SLC2A5: variants seen among roughly 807,000 people sequenced by gnomAD.
SLC2A5 encodes solute carrier family 2 member 5.
In SLC2A5, 56 loss-of-function variants were observed where a neutral mutation model predicts 50.3. The observed-to-expected ratio is 1.11, with a 90% CI of 0.90 to 1.39. SLC2A5 has a LOEUF of 1.39. Among genes scored for constraint, SLC2A5 ranks in the 40% most tolerant of loss-of-function variants. SLC2A5 has a pLI of 0.00. For missense variants in SLC2A5, 566 were observed against 650.1 expected, an observed-to-expected ratio of 0.87 and a Z score of 1.41; for synonymous variants, 269 against 281.9, an observed-to-expected ratio of 0.95 and a Z score of 0.46.
chr1:9,080,429 A>G (rs1315131366), intron 2 of SLC2A5, among the ~76,000 whole-genome samples: 1 of 152,202 alleles, frequency 6.6e-6, no homozygotes, highest in Non-Finnish European at 1.5e-5. Flanking sequence ...CGTTCTCACC[A>G]ACAGTATATA....
At chr1:9,042,474 GTCTGTGTGTGTATGGCC>G (rs1178806086) in intron 4 of SLC2A5, among the ~76,000 whole-genome samples, 1 of 151,244 alleles carries the variant, frequency 6.6e-6, no homozygotes, top group Admixed American at 6.6e-5. Flanking sequence ...TGGTGTGTAT[GTCTGTGTGTGTATGGCC>G]TCTGTGTGTG....
intron 2 of SLC2A5, among the ~76,000 whole-genome samples, chr1:9,084,207 T>C (rs1557686568): frequency 6.6e-6 from 1 of 151,986 alleles, no homozygotes; most frequent in African/African-American, 2.4e-5. Context: ...TCCTGGGACA[T>C]CCATATTTGG....
Position 9,040,000 on chromosome 1 carries a change from G to A in SLC2A5, c.698-13C>T, listed in dbSNP as rs781298229. 17 of 1,600,276 alleles carry A rather than the reference G, an allele frequency of 1.1e-5. No individual in the cohort carries two copies. The African/African-American group carries it at 2.3e-4, about 21-fold the overall frequency. On this transcript the variant is annotated splice_polypyrimidine_tract_variant and intron_variant, in intron 6 of 11. Coordinates refer to ENST00000377424, the MANE Select transcript of SLC2A5 (RefSeq NM_003039.3). ...AGCGTCTGTAGGGCTGGGGAGAAGC[G>A]GCACCGTCGGACCAGGGCTGGGGAG...
upstream of SLC2A5, chr1:9,069,655 C>A: frequency 9.6e-7 from 1 of 1,045,878 alleles, no homozygotes; most frequent in Non-Finnish European, 1.5e-6. Context: ...CAGCCAATAG[C>A]ATTTTTATAG....
chr1:9,073,587 AAT>A (rs1432338853), upstream of SLC2A5, among the ~76,000 whole-genome samples: 1 of 152,188 alleles, frequency 6.6e-6, no homozygotes, highest in African/African-American at 2.4e-5. Flanking sequence ...AGGGAAGAAA[AAT>A]ACTTCATTTT....
chr1:9,047,045 T>A (rs1024388709), intron 4 of SLC2A5, among the ~76,000 whole-genome samples: 1 of 152,160 alleles, frequency 6.6e-6, no homozygotes, highest in Admixed American at 6.5e-5. Flanking sequence ...ATCATGATTG[T>A]AAGTTTCCTG....
Position 9,037,455 on chromosome 1 carries a change from C to T in SLC2A5, c.*131G>A. ...CACAGTTCCCACTGGGGTGGGGAGG[C>T]TGGAGATGAGGACTGCATTCCACAT... On this transcript the variant is annotated 3_prime_UTR_variant, in exon 12 of 12. Coordinates refer to ENST00000377424, the MANE Select transcript of SLC2A5 (RefSeq NM_003039.3). 1.3e-6 allele frequency: 1 copy of T among 756,626 alleles called. No homozygotes were observed. Among genetic ancestry groups the T allele is most frequent in the South Asian group, 1.7e-5 (1 of 59,860 alleles). 46.9% of individuals were successfully genotyped at this position (756,626 alleles called of 1,614,324 possible).
rs1557662141 is a variant in SLC2A5, at chr1:9,040,158, G to C, written c.603C>G (p.Val201=). The stretch of plus-strand genomic sequence containing the variant: ...GCAGAAGGAGCTGCAGCGCCGCGGG[G>C]ACCCCGGTCAGCCCCAGCAGGATCG... ...GWPILLGLTG[V]PAALQLLLLP... Residue 201 remains valine, a synonymous_variant, in exon 6 of 12, where the codon GTC becomes GTG. Transcript: ENST00000377424. This position sits in a 1 kb window ranked among gnomAD's most constrained non-coding sequence, Gnocchi z 4.3. 1 of 1,560,120 alleles carries C rather than the reference G, an allele frequency of 6.4e-7. No individual in the cohort carries two copies.
At chr1:9,090,855 T>C (rs575149251), upstream of SLC2A5, among the ~76,000 whole-genome samples, 11 of 152,350 alleles carry the variant, frequency 7.2e-5, no homozygotes, top group South Asian at 2.1e-3. Context: ...CTTCAATATG[T>C]GGACAATTTA....
intron 1 of SLC2A5, among the ~76,000 whole-genome samples, chr1:9,066,383 G>A (rs757800418): frequency 9.2e-5 from 14 of 151,914 alleles, no homozygotes; most frequent in Non-Finnish European, 1.6e-4. Context: ...CTATAGGCAC[G>A]GTCCCCATGC....
chr1:9,072,835 G>T (rs1364027963), upstream of SLC2A5, among the ~76,000 whole-genome samples: 2 of 151,304 alleles, frequency 1.3e-5, no homozygotes, highest in African/African-American at 4.9e-5. Flanking sequence ...GGTGGTGTGC[G>T]CCTGTAATTC....
rs1308800989 is a variant in SLC2A5, at chr1:9,053,172, TTTATATATTTATATA to T, written c.293+4261_293+4275del. On this transcript the variant is annotated intron_variant, in intron 3 of 11. Transcript: ENST00000377424. ...ATATATATTTTATATATTTATATAT[TTTATATATTTATATA>T]TTATATATTTATATATTATATTTAT... is the stretch of plus-strand genomic sequence containing the variant. Among the ~76,000 whole-genome samples, 213 of 91,714 alleles carry T rather than the reference TTTATATATTTATATA, an allele frequency of 2.3e-3. 1 individual carries two copies. The highest frequency in any genetic ancestry group is 3.4e-3 in the Non-Finnish European group (174 of 51,810). 60.2% of individuals were successfully genotyped at this position (91,714 alleles called of 152,430 possible). A position where few individuals can be genotyped will look rare whatever the true frequency, so the allele number is the denominator to read the frequency against.
chr1:9,092,583 GCC>G (rs1642470876), upstream of SLC2A5, among the ~76,000 whole-genome samples: 1 of 152,020 alleles, frequency 6.6e-6, no homozygotes, highest in Non-Finnish European at 1.5e-5. Flanking sequence ...TTACCCATAT[GCC>G]CCCAGTAAAA....
chr1:9,073,593 TCA>T (rs1321936924), upstream of SLC2A5, among the ~76,000 whole-genome samples: 5 of 152,308 alleles, frequency 3.3e-5, no homozygotes, highest in East Asian at 7.7e-4. Flanking sequence ...GAAAAATACT[TCA>T]TTTTGTTTTC....
chr1:9,054,998 G>A (rs1444871561), intron 3 of SLC2A5, among the ~76,000 whole-genome samples: 1 of 152,028 alleles, frequency 6.6e-6, no homozygotes, highest in Non-Finnish European at 1.5e-5. Context: ...TTGACCACTT[G>A]AAGACTTTAA....
chr1:9,064,321 G>A (rs993271922), intron 1 of SLC2A5, among the ~76,000 whole-genome samples: 1 of 152,036 alleles, frequency 6.6e-6, no homozygotes, highest in Non-Finnish European at 1.5e-5. Flanking sequence ...AAAAGGGAGG[G>A]GCTGAAGAGG....
intron 2 of SLC2A5, among the ~76,000 whole-genome samples, chr1:9,075,860 C>T (rs1642275711): frequency 6.6e-6 from 1 of 152,100 alleles, no homozygotes; most frequent in Admixed American, 6.6e-5. Flanking sequence ...GGGGTTTCAC[C>T]ATGTTGGTCA....
chr1:9,048,128 C>T (rs1446257476), intron 3 of SLC2A5, among the ~76,000 whole-genome samples: 2 of 152,164 alleles, frequency 1.3e-5, no homozygotes, highest in Admixed American at 6.5e-5. Flanking sequence ...CTTATGTCAA[C>T]GTGGATGCCA....
chr1:9,041,691 A>T (rs1284802100), intron 5 of SLC2A5, 94 bp downstream of exon 5: 1 of 1,603,868 alleles, frequency 6.2e-7, no homozygotes, highest in South Asian at 1.1e-5. Flanking sequence ...GTCTGCAGAA[A>T]GTCCTGTCCT....
Sources: gnomAD v4.1 joint callset for allele counts (sites outside exome capture counted in the v4.1 genomes callset) on GRCh38, gnomAD v4.1.1 for gene constraint, Gnocchi (gnomAD v3.1) non-coding constraint, MANE v1.5 for transcripts, NCBI Gene and HGNC (gene_info 2026-07-23, HGNC 2026-07-21) for gene names.